Variants in ZBTB20 observed in about 807,000 individuals in gnomAD.
ZBTB20 encodes zinc finger and BTB domain containing 20.
A neutral mutation model predicts 56.9 loss-of-function variants in ZBTB20; 9 were observed. The ratio of observed to expected loss-of-function variants is 0.16; its 90% CI spans 0.10 to 0.28. ZBTB20 has a LOEUF of 0.28. Ranked by LOEUF, ZBTB20 falls within the 10% of genes least tolerant of loss-of-function variation. The probability of loss-of-function intolerance (pLI) is 1.00; values close to 1 mark genes in which losing one functional copy is unlikely to be tolerated. For synonymous variants in ZBTB20, 417 were observed against 420.7 expected, an observed-to-expected ratio of 0.99 and a Z score of 0.11; for missense variants, 655 against 1,003.0, an observed-to-expected ratio of 0.65 and a Z score of 4.69.
At chr3:115,146,065 T>C (rs1560607573) in intron 1 of ZBTB20, among the ~76,000 whole-genome samples, 1 of 152,116 alleles carries the variant, frequency 6.6e-6, no homozygotes, top group Non-Finnish European at 1.5e-5. Flanking sequence ...ATGTTCAACT[T>C]AGGTTTGGCC....
intron 5 of ZBTB20, among the ~76,000 whole-genome samples, chr3:114,761,018 T>C (rs2108694657): frequency 6.6e-6 from 1 of 152,284 alleles, no homozygotes; most frequent in Non-Finnish European, 1.5e-5. Context: ...AAAAGCTCTT[T>C]CATAGATAGT....
chr3:114,505,890 T>A (rs1327890869), intron 6 of ZBTB20, among the ~76,000 whole-genome samples: 1 of 152,132 alleles, frequency 6.6e-6, no homozygotes, highest in Non-Finnish European at 1.5e-5. Context: ...TTCAAAAAAA[T>A]TTGTACTAGA....
chr3:114,643,601 T>A (rs2059675593), intron 6 of ZBTB20, among the ~76,000 whole-genome samples: 1 of 152,134 alleles, frequency 6.6e-6, no homozygotes, highest in Non-Finnish European at 1.5e-5. Flanking sequence ...TTCCTGCATG[T>A]TTGATTGATT....
chr3:114,584,520 C>G (rs1230047181), intron 6 of ZBTB20, among the ~76,000 whole-genome samples: 1 of 150,708 alleles, frequency 6.6e-6, no homozygotes, highest in Non-Finnish European at 1.5e-5. Flanking sequence ...ATATCCCTAA[C>G]TCTGTTAAAA....
At chr3:114,977,825 C>T (rs546428997) in intron 2 of ZBTB20, among the ~76,000 whole-genome samples, 30 of 151,824 alleles carry the variant, frequency 2.0e-4, no homozygotes, top group Admixed American at 1.6e-3. Flanking sequence ...GCCTGGGCAA[C>T]ATGGTGAAAC....
At chr3:114,452,750 GA>G (rs67537584) in intron 7 of ZBTB20, among the ~76,000 whole-genome samples, 108,912 of 151,604 alleles carry the variant, frequency 0.72, 40,519 homozygotes, top group Non-Finnish European at 0.83. Context: ...TCAGTTAATA[GA>G]AAAAAAAAGA....
intron 7 of ZBTB20, among the ~76,000 whole-genome samples, chr3:114,427,295 T>A (rs553267608): frequency 2.6e-5 from 4 of 152,210 alleles, no homozygotes; most frequent in Non-Finnish European, 5.9e-5. Flanking sequence ...CACCAAGAAG[T>A]AGACACTAGC....
chr3:114,442,748 A>C (rs1330495924), intron 7 of ZBTB20, among the ~76,000 whole-genome samples: 1 of 152,120 alleles, frequency 6.6e-6, no homozygotes, highest in Non-Finnish European at 1.5e-5. Flanking sequence ...CTATCCACTG[A>C]AACCTTGAAG....
intron 2 of ZBTB20, among the ~76,000 whole-genome samples, chr3:114,979,284 T>A (rs1381508296): frequency 6.6e-6 from 1 of 151,990 alleles, no homozygotes; most frequent in African/African-American, 2.4e-5. Flanking sequence ...GACTACTGTA[T>A]AAAGAGAGAC....
Position 114,941,138 on chromosome 3 carries a change from T to C in ZBTB20, c.-456+33228A>G, listed in dbSNP as rs560011406. Among the ~76,000 whole-genome samples, 3 of 146,780 alleles carry C rather than the reference T, an allele frequency of 2.0e-5. No individual in the cohort carries two copies. The East Asian group carries it at 5.8e-4, about 28-fold the overall frequency. ...GAAAAGTTTCATCAAAACTGTTTCATGCATCTGTGCAGGGCTAAAGTCATC... is the reference window on the plus strand; with the variant it reads ...GAAAAGTTTCATCAAAACTGTTTCACGCATCTGTGCAGGGCTAAAGTCATC... On this transcript the variant is annotated intron_variant, in intron 3 of 11. Coordinates refer to ENST00000675478, the MANE Select transcript of ZBTB20 (RefSeq NM_001348800.3).
intron 6 of ZBTB20, among the ~76,000 whole-genome samples, chr3:114,553,398 A>G (rs1244556787): frequency 6.6e-6 from 1 of 152,178 alleles, no homozygotes; most frequent in Non-Finnish European, 1.5e-5. Context: ...ATCCTCTTCC[A>G]AGCATTTCTT....
At chr3:114,383,549 A>G (rs1400991746) in intron 8 of ZBTB20, 1 of 152,168 alleles carries the variant, frequency 6.6e-6, no homozygotes, top group Non-Finnish European at 1.5e-5. Flanking sequence ...ACCTCTATAA[A>G]CAGGAAATGT....
At chr3:114,399,304 G>A (rs1448165389) in intron 7 of ZBTB20, among the ~76,000 whole-genome samples, 2 of 151,758 alleles carry the variant, frequency 1.3e-5, no homozygotes, top group African/African-American at 4.8e-5. Flanking sequence ...GATATAAAGC[G>A]GTATACAAAC....
chr3:114,951,381 A>G (rs2077062249), intron 3 of ZBTB20, among the ~76,000 whole-genome samples: 1 of 152,156 alleles, frequency 6.6e-6, no homozygotes, highest in African/African-American at 2.4e-5. Flanking sequence ...AAAAATACTA[A>G]TGAGAGCACA....
At chr3:114,497,449 C>A (rs1307187158) in intron 7 of ZBTB20, among the ~76,000 whole-genome samples, 2 of 152,184 alleles carry the variant, frequency 1.3e-5, no homozygotes, top group African/African-American at 4.8e-5. Context: ...CTATTCACTC[C>A]TCTGAATCTC....
chr3:115,018,655 A>C (rs894154895), intron 2 of ZBTB20, among the ~76,000 whole-genome samples: 2 of 151,452 alleles, frequency 1.3e-5, no homozygotes, highest in African/African-American at 4.8e-5. Flanking sequence ...AACAAGAAAC[A>C]AAGAAACAGA....
intron 3 of ZBTB20, among the ~76,000 whole-genome samples, chr3:114,929,143 C>T (rs1368321635): frequency 6.6e-6 from 1 of 152,194 alleles, no homozygotes; most frequent in East Asian, 1.9e-4. Flanking sequence ...GTGCCTCAGG[C>T]CTTGCTCCCT....
chr3:114,945,872 G>A (rs1350204842), intron 3 of ZBTB20, among the ~76,000 whole-genome samples: 1 of 144,774 alleles, frequency 6.9e-6, no homozygotes, highest in Admixed American at 6.7e-5. Flanking sequence ...ACGAAAAGAA[G>A]GCTAATATCA....
At chr3:115,035,103 A>G (rs150537634) in intron 2 of ZBTB20, among the ~76,000 whole-genome samples, 3 of 152,246 alleles carry the variant, frequency 2.0e-5, no homozygotes, top group Admixed American at 2.0e-4. Flanking sequence ...ATAAGATCTA[A>G]AACTATAAAA....
Sources: allele counts gnomAD v4.1 joint callset (sites outside exome capture counted in the v4.1 genomes callset), GRCh38; gene constraint gnomAD v4.1.1; transcripts MANE v1.5; gene names NCBI Gene and HGNC (gene_info 2026-07-23, HGNC 2026-07-21).